The following COG7 variants were observed in gnomAD, a reference collection of about 807,000 sequenced individuals.
The protein encoded by COG7 is component of oligomeric golgi complex 7.
COG7 carries 49 observed loss-of-function variants against 91.5 expected under a neutral mutation model. That is an observed-to-expected ratio of 0.54 (90% CI 0.43 to 0.68). The LOEUF (loss-of-function observed/expected upper bound fraction) is 0.68. Ranked by LOEUF, COG7 falls within the 30% of genes least tolerant of loss-of-function variation. The pLI, the probability that COG7 is intolerant of heterozygous loss-of-function variation, is 0.00. For missense variants in COG7, 895 were observed against 961.3 expected, an observed-to-expected ratio of 0.93 and a Z score of 0.91; for synonymous variants, 365 against 388.7, an observed-to-expected ratio of 0.94 and a Z score of 0.72.
chr16:23,449,331 C>T (rs1200370155), intron 1 of COG7, among the ~76,000 whole-genome samples: 1 of 149,652 alleles, frequency 6.7e-6, no homozygotes, highest in Non-Finnish European at 1.5e-5. Flanking sequence ...CCACTGCCCT[C>T]CAGCCTGGGC....
intron 6 of COG7, among the ~76,000 whole-genome samples, chr16:23,425,827 T>C (rs1251621875): frequency 6.6e-6 from 1 of 152,198 alleles, no homozygotes; most frequent in Admixed American, 6.5e-5. Flanking sequence ...GGCAAGTTCA[T>C]GTCTATCAGT....
intron 2 of COG7, 57 bp downstream of exon 2, chr16:23,445,756 C>T: frequency 6.3e-7 from 1 of 1,579,148 alleles, no homozygotes; most frequent in African/African-American, 1.3e-5. Flanking sequence ...CGAGAGTGAC[C>T]ACCTTCCCAA....
Position 23,433,589 on chromosome 16 carries a change from C to T in COG7, c.766G>A (p.Ala256Thr), listed in dbSNP as rs1192239841. ...LDRQLTGLYDALLGAWHTQIQ... is the reference protein window; with the variant it reads ...LDRQLTGLYDTLLGAWHTQIQ... Reference sequence around the variant, plus strand: ...TGTGTGTGCCAAGCACCAAGCAAGGCATCATAGAGTCCGGTAAGCTGCCGG... The same window carrying T: ...TGTGTGTGCCAAGCACCAAGCAAGGTATCATAGAGTCCGGTAAGCTGCCGG... The change falls in exon 6 of 17, where the codon GCC (alanine) becomes ACC (threonine). Residue 256 changes from alanine (A) to threonine (T), a missense_variant. Physicochemically the swap from Ala to Thr is moderately conservative, Grantham distance 58. Coordinates refer to ENST00000307149, the MANE Select transcript of COG7 (RefSeq NM_153603.4). 5 of 1,614,108 alleles carry T rather than the reference C, an allele frequency of 3.1e-6. No individual in the cohort carries two copies. In the South Asian group the frequency reaches 4.4e-5, roughly 14 times the overall value.
intron 7 of COG7, among the ~76,000 whole-genome samples, chr16:23,420,124 T>A (rs2142077870): frequency 6.6e-6 from 1 of 152,122 alleles, no homozygotes; most frequent in African/African-American, 2.4e-5. Context: ...AGAGTCCGTC[T>A]CAAAACAAAA....
chr16:23,445,292 A>G, intron 2 of COG7, 128 bp from the exon 3 acceptor site: 2 of 775,008 alleles, frequency 2.6e-6, no homozygotes, highest in Non-Finnish European at 4.7e-6. Flanking sequence ...CCAAAACACC[A>G]ATCATCTGGC....
intron 1 of COG7, among the ~76,000 whole-genome samples, chr16:23,450,830 C>CA (rs1312085477): frequency 4.0e-4 from 56 of 139,892 alleles, no homozygotes; most frequent in East Asian, 8.1e-4. Context: ...GACCCTGTCT[C>CA]AAAAAAAAAA....
At chr16:23,433,973 A>C (rs1174920109) in intron 5 of COG7, among the ~76,000 whole-genome samples, 1 of 152,200 alleles carries the variant, frequency 6.6e-6, no homozygotes, top group Non-Finnish European at 1.5e-5. Context: ...ATGTTGGGGC[A>C]AGAGCGGGCA....
chr16:23,409,690 C>T (rs1398180723), intron 11 of COG7, among the ~76,000 whole-genome samples: 1 of 152,140 alleles, frequency 6.6e-6, no homozygotes, highest in Non-Finnish European at 1.5e-5. Context: ...ATGTGGGAAG[C>T]CAGAGCCCCT....
intron 9 of COG7, chr16:23,413,811 T>C: frequency 2.3e-6 from 1 of 432,154 alleles, no homozygotes; most frequent in Non-Finnish European, 4.3e-6. Context: ...AAGGAAGGAA[T>C]AATCGTGAAG....
intron 11 of COG7, among the ~76,000 whole-genome samples, chr16:23,407,147 G>T (rs1440074243): frequency 1.3e-5 from 2 of 152,202 alleles, no homozygotes; most frequent in Non-Finnish European, 2.9e-5. Context: ...TCCTTGAGTT[G>T]TTCAAGAAAT....
chr16:23,390,493 C>T (rs1175818643), intron 16 of COG7, among the ~76,000 whole-genome samples: 1 of 151,148 alleles, frequency 6.6e-6, no homozygotes, highest in Non-Finnish European at 1.5e-5. Context: ...CATGAGCCAC[C>T]GCGCTCAGTG....
intron 13 of COG7, among the ~76,000 whole-genome samples, chr16:23,399,166 C>A (rs950045994): frequency 6.6e-6 from 1 of 152,150 alleles, no homozygotes; most frequent in African/African-American, 2.4e-5. Context: ...ACCCTGGGCT[C>A]CCAGCCCAGG....
intron 4 of COG7, 88 bp downstream of exon 4, chr16:23,442,389 C>T: frequency 8.4e-7 from 1 of 1,194,640 alleles, no homozygotes; most frequent in Non-Finnish European, 1.2e-6. Flanking sequence ...AATTCAATCA[C>T]CATTAAGACA....
chr16:23,439,976 A>G (rs1179862873), intron 4 of COG7, among the ~76,000 whole-genome samples: 2 of 151,842 alleles, frequency 1.3e-5, no homozygotes, highest in East Asian at 1.9e-4. Flanking sequence ...AAGAAATTAC[A>G]TGTCCTTTCT....
Position 23,392,510 on chromosome 16 carries a change from G to C in COG7, c.2016C>G (p.Pro672=). 1.2e-6 allele frequency: 2 copies of C among 1,614,126 alleles called. No homozygotes were observed. Among genetic ancestry groups the C allele is most frequent in the Non-Finnish European group, 8.5e-7 (1 of 1,180,026 alleles). ...AGTTGTCAGCCATGTTGTCCAGCTCGGGCAATTCATCCCCTGAAAAGAAAA... is the reference window on the plus strand; with the variant it reads ...AGTTGTCAGCCATGTTGTCCAGCTCCGGCAATTCATCCCCTGAAAAGAAAA... ...PFPPEQGDEL[P]ELDNMADNWL... Residue 672 remains proline, a synonymous_variant, in exon 16 of 17, where the codon CCC becomes CCG. Coordinates refer to ENST00000307149, the MANE Select transcript of COG7 (RefSeq NM_153603.4).
At chr16:23,405,299 A>G (rs1963441177) in intron 12 of COG7, among the ~76,000 whole-genome samples, 1 of 152,090 alleles carries the variant, frequency 6.6e-6, no homozygotes, top group Non-Finnish European at 1.5e-5. Context: ...GAAAAGAGTA[A>G]TGACTTCTCT....
rs773017035 is a variant in COG7 at position 23,442,762 on chromosome 16, G to A, written c.436-117C>T. 5.5e-5 allele frequency: 51 copies of A among 929,986 alleles called. 1 individual carries two copies. In the South Asian group the frequency reaches 5.6e-4, roughly 10 times the overall value. 57.6% of individuals were successfully genotyped at this position (929,986 alleles called of 1,614,324 possible). ...AAGTATGAAAATGGGGCTGGGCATC[G>A]TGGTGGTTCATGCCTGTAATCCCAG... is the stretch of plus-strand genomic sequence containing the variant. On this transcript the variant is annotated intron_variant, in intron 3 of 16. Coordinates refer to ENST00000307149, the MANE Select transcript of COG7 (RefSeq NM_153603.4).
intron 14 of COG7, among the ~76,000 whole-genome samples, chr16:23,394,703 C>T (rs1407326868): frequency 6.6e-6 from 1 of 152,166 alleles, no homozygotes; most frequent in African/African-American, 2.4e-5. Flanking sequence ...TCTACCCAGA[C>T]CAGAGAACTA....
chr16:23,438,473 A>G (rs1458576236), intron 4 of COG7, among the ~76,000 whole-genome samples: 2 of 152,088 alleles, frequency 1.3e-5, no homozygotes, highest in African/African-American at 4.8e-5. Flanking sequence ...TGGGAGGATC[A>G]CTTGAGCTTG....
Sources: allele counts gnomAD v4.1 joint callset (sites outside exome capture counted in the v4.1 genomes callset), GRCh38; gene constraint gnomAD v4.1.1; transcripts MANE v1.5; gene names NCBI Gene and HGNC (gene_info 2026-07-23, HGNC 2026-07-21).